Variants in ANKRD30A observed in about 807,000 individuals in gnomAD.
ANKRD30A encodes ankyrin repeat domain-containing protein 30A.
ANKRD30A carries 170 observed loss-of-function variants against 166.3 expected under a neutral mutation model. The observed-to-expected ratio is 1.02, with a 90% confidence interval of 0.90 to 1.16. The LOEUF (loss-of-function observed/expected upper bound fraction) is 1.16, where lower values mean the gene tolerates loss of function less well. ANKRD30A is among the 50% of genes most tolerant of loss of function. The probability of loss-of-function intolerance (pLI) is 0.00; values close to 1 mark genes in which losing one functional copy is unlikely to be tolerated. For synonymous variants in ANKRD30A, 564 were observed against 508.9 expected (o/e 1.11, Z -1.46); for missense variants, 1,630 against 1,518.0 (o/e 1.07, Z -1.23).
chr10:37,165,219 TG>T (rs1564515657), intron 18 of ANKRD30A, 64 bp downstream of exon 18: 1 of 1,454,464 alleles, frequency 6.9e-7, no homozygotes, highest in African/African-American at 1.4e-5. Context: ...TAAAATCAGA[TG>T]CTTAGTCTTT....
intron 1 of ANKRD30A, 54 bp downstream of exon 1, chr10:37,126,062 G>GTTGT: frequency 1.7e-6 from 2 of 1,170,664 alleles, no homozygotes; most frequent in Non-Finnish European, 2.5e-6. Context: ...GCGGTGGGAG[G>GTTGT]ATCGCCCCTT....
At chr10:37,197,245 A>G (rs1475658588) in intron 27 of ANKRD30A, 36 bp from the exon 28 acceptor site, 1 of 1,606,414 alleles carries the variant, frequency 6.2e-7, no homozygotes, top group East Asian at 2.2e-5. Flanking sequence ...TGTCATATTT[A>G]CTTATGATTG....
intron 5 of ANKRD30A, 122 bp from the exon 6 acceptor site, chr10:37,136,485 A>G (rs1836689366): frequency 2.6e-5 from 13 of 496,914 alleles, no homozygotes; most frequent in Non-Finnish European, 3.7e-6. Flanking sequence ...TGGAATAAGT[A>G]ATGTTCTGAT....
In ANKRD30A at chr10:37,217,851, G is replaced by T; in HGVS notation, c.3240G>T (p.Leu1080Phe). ...EQALRIQDIE[L>F]KSVESNLNQV... ...CTCTCAGAATACAAGATATAGAATT[G>T]AAGAGTGTAGAAAGTAATTTGAATC... Residue 1080 changes from leucine (L) to phenylalanine (F), a missense_variant, in exon 33 of 36, where the codon TTG becomes TTT. By Grantham distance (22) the Leu-to-Phe change is conservative. Coordinates refer to ENST00000361713, the MANE Select transcript of ANKRD30A (RefSeq NM_052997.3). The T allele has an allele frequency of 6.4e-7, 1 of 1,573,512 alleles. No homozygotes were observed.
Position 37,136,599 on chromosome 10 carries a change from A to C in ANKRD30A, c.756-8A>C, listed in dbSNP as rs377107925. The C allele has an allele frequency of 1.6e-6, 2 of 1,244,042 alleles. No individual in the cohort carries two copies. The highest frequency in any genetic ancestry group is 2.3e-6 in the Non-Finnish European group (2 of 887,596). The allele number at this position is 1,244,042 out of a possible 1,614,324, so 77.1% of individuals were successfully genotyped here. ...TGGTAATTTTATTTATCACATTTTT[A>C]TACATAGCATTCATGAACAAATTAT... is the stretch of plus-strand genomic sequence containing the variant. On this transcript the variant is annotated splice_polypyrimidine_tract_variant and splice_region_variant and intron_variant, in intron 5 of 35. Transcript: ENST00000361713.
intron 13 of ANKRD30A, among the ~76,000 whole-genome samples, chr10:37,158,090 C>G (rs1392442570): frequency 2.0e-5 from 3 of 152,102 alleles, no homozygotes; most frequent in African/African-American, 7.2e-5. Flanking sequence ...TTTCCTTATA[C>G]GGCCGCTTTC....
rs1407433877 is a variant in ANKRD30A at position 37,166,637 on chromosome 10, G to C, written c.2097G>C (p.Val699=). 8.8e-6 allele frequency: 14 copies of C among 1,599,172 alleles called. No homozygotes were observed. The highest frequency in any genetic ancestry group is 1.8e-5 in the Admixed American group (1 of 57,102). The change falls in exon 19 of 36, where the codon GTG becomes GTC. Residue 699 remains valine, a synonymous_variant. Transcript: ENST00000361713. ...GTGAGACTGTTTCACAGAAGGATGTGTGTTTACCCAAGGCTGCGCATCAAA... is the reference window on the plus strand; with the variant it reads ...GTGAGACTGTTTCACAGAAGGATGTCTGTTTACCCAAGGCTGCGCATCAAA... ...SLCETVSQKD[V]CLPKAAHQKE... is the part of the protein sequence containing the mutation.
chr10:37,257,890 T>C, the ANKRD30A span, among the ~76,000 whole-genome samples: 32 of 152,238 alleles, frequency 2.1e-4, no homozygotes, highest in Admixed American at 1.8e-3. Flanking sequence ...CTGCATGTTC[T>C]CCCTCATAAA....
intron 18 of ANKRD30A, among the ~76,000 whole-genome samples, chr10:37,166,133 C>G (rs915230473): frequency 1.3e-5 from 2 of 152,152 alleles, no homozygotes; most frequent in Admixed American, 1.3e-4. Context: ...CTATGACAGA[C>G]TCTAAAAGTT....
the ANKRD30A span, among the ~76,000 whole-genome samples, chr10:37,264,273 T>C: frequency 2.0e-5 from 3 of 152,164 alleles, no homozygotes; most frequent in African/African-American, 7.2e-5. Context: ...GGATAAATCT[T>C]AGAGAAAGGC....
At chr10:37,252,611 A>G in the ANKRD30A span, among the ~76,000 whole-genome samples, 2 of 151,300 alleles carry the variant, frequency 1.3e-5, no homozygotes, top group African/African-American at 4.8e-5. Context: ...CTCTGAAGTT[A>G]TCTTTTTTAG....
intron 31 of ANKRD30A, among the ~76,000 whole-genome samples, chr10:37,214,383 G>A (rs1842497384): frequency 6.6e-6 from 1 of 151,274 alleles, no homozygotes; most frequent in South Asian, 2.1e-4. Context: ...GAGGTTTTTA[G>A]ACCACTTTAA....
At chr10:37,203,076 T>C (rs1285781942) in intron 31 of ANKRD30A, among the ~76,000 whole-genome samples, 1 of 152,136 alleles carries the variant, frequency 6.6e-6, no homozygotes, top group Non-Finnish European at 1.5e-5. Flanking sequence ...GCTGATACCA[T>C]TCCTTCTGAA....
rs761948121 is a variant in ANKRD30A, at chr10:37,231,521, C to T, written c.*52C>T. ...GGAGAAACAACAGACCAGATCTTTACTCACAACTCATGCTAGGAGGCCAGT... is the reference window on the plus strand; with the variant it reads ...GGAGAAACAACAGACCAGATCTTTATTCACAACTCATGCTAGGAGGCCAGT... On this transcript the variant is annotated 3_prime_UTR_variant, in exon 35 of 36. Transcript: ENST00000361713. 2.7e-6 allele frequency: 4 copies of T among 1,507,376 alleles called. No homozygotes were observed. Among genetic ancestry groups the T allele is most frequent in the Non-Finnish European group, 1.8e-6 (2 of 1,108,688 alleles). 93.4% of individuals were successfully genotyped at this position (1,507,376 alleles called of 1,614,324 possible).
chr10:37,224,140 A>G (rs1384056209), intron 34 of ANKRD30A, among the ~76,000 whole-genome samples: 1 of 151,392 alleles, frequency 6.6e-6, no homozygotes. Flanking sequence ...TTTGAAAACA[A>G]TAATGACAAT....
chr10:37,207,803 TCTTTAAA>T (rs1842074448), intron 31 of ANKRD30A, among the ~76,000 whole-genome samples: 1 of 152,064 alleles, frequency 6.6e-6, no homozygotes, highest in South Asian at 2.1e-4. Context: ...GTCTCATACC[TCTTTAAA>T]CTTTAAATGA....
intron 34 of ANKRD30A, among the ~76,000 whole-genome samples, chr10:37,220,510 T>A (rs1190116973): frequency 6.6e-6 from 1 of 151,214 alleles, no homozygotes; most frequent in Non-Finnish European, 1.5e-5. Context: ...GAATCTCAAA[T>A]TATGTATTGT....
rs371981371 is a variant in ANKRD30A at position 37,219,743 on chromosome 10, C to A, written c.4031C>A (p.Ala1344Asp). 5.6e-6 allele frequency: 9 copies of A among 1,608,540 alleles called. No individual in the cohort carries two copies. The African/African-American group carries it at 1.2e-4, about 22-fold the overall frequency. The change falls in exon 34 of 36, where the codon GCT becomes GAT. Residue 1344 changes from alanine (A) to aspartate (D), a missense_variant. Ala to Asp is a moderately radical substitution (Grantham distance 126). This residue lies in a region of ANKRD30A where 712 missense variants were observed against 629.3 expected (regional missense o/e 1.13). Coordinates refer to ENST00000361713, the MANE Select transcript of ANKRD30A (RefSeq NM_052997.3). ...CAATTAGTTCATGCACATAAGAAAG[C>A]TGACAACAAAAGCAAGATAACAATT... ...QQQLVHAHKK[A>D]DNKSKITIDI...
chr10:37,149,930 A>G, intron 11 of ANKRD30A, 81 bp downstream of exon 11: 6 of 1,560,588 alleles, frequency 3.8e-6, no homozygotes, highest in Middle Eastern at 2.2e-4. Context: ...CCAATGCTTT[A>G]TTTTTTTCAA....
Sources: allele counts gnomAD v4.1 joint callset (sites outside exome capture counted in the v4.1 genomes callset), GRCh38; gene constraint gnomAD v4.1.1; regional missense constraint gnomAD v4.1.1; transcripts MANE v1.5; gene names NCBI Gene and HGNC (gene_info 2026-07-23, HGNC 2026-07-21).